SH3D21: variants seen among roughly 807,000 people sequenced by gnomAD.
SH3D21 encodes SH3 domain-containing protein 21.
SH3D21 carries 83 observed loss-of-function variants against 82.1 expected under a neutral mutation model. The ratio of observed to expected loss-of-function variants is 1.01; its 90% CI spans 0.85 to 1.21. SH3D21 has a LOEUF of 1.21. Ranked by LOEUF, SH3D21 falls within the 50% of genes most tolerant of loss-of-function variation. The pLI is 0.00. For synonymous variants in SH3D21, 383 were observed against 387.8 expected (o/e 0.99, Z 0.15); for missense variants, 980 against 962.1 (o/e 1.02, Z -0.25).
downstream of SH3D21, among the ~76,000 whole-genome samples, chr1:36,325,185 C>T (rs769018475): frequency 9.2e-5 from 14 of 151,942 alleles, no homozygotes; most frequent in East Asian, 1.9e-4. Flanking sequence ...GGACCACAGG[C>T]GTGCACCACC....
chr1:36,321,766 C>G, downstream of SH3D21: 1 of 1,002,546 alleles, frequency 1.0e-6, no homozygotes. The surrounding 1 kb of genome is among the most constrained non-coding windows in gnomAD (Gnocchi z 6.1). Context: ...GACGTGTGTC[C>G]AGGCGTTTGC....
In SH3D21 at chr1:36,306,903, G is replaced by T; in HGVS notation, c.224G>T (p.Arg75Leu). ...EARRPRCARR[R>L]GHPAKHPRPQ... is the part of the protein sequence containing the mutation. The stretch of plus-strand genomic sequence containing the variant: ...CGGAGGCCGCGCTGTGCGCGCCGCC[G>T]AGGTGAGCGCAAGGGCGGGGACGGG... The change falls in exon 3 of 16, where the codon CGA (arginine) becomes CTA (leucine). Residue 75 changes from arginine to leucine, a missense_variant and splice_region_variant. Physicochemically the swap from Arg to Leu is moderately radical, Grantham distance 102. Transcript: ENST00000453908. This position sits in a 1 kb window ranked among gnomAD's most constrained non-coding sequence, Gnocchi z 4.5. 1 of 1,322,878 alleles carries T rather than the reference G, an allele frequency of 7.6e-7. No homozygotes were observed. Among genetic ancestry groups the T allele is most frequent in the Non-Finnish European group, 9.9e-7 (1 of 1,011,602 alleles). 81.9% of individuals were successfully genotyped at this position (1,322,878 alleles called of 1,614,324 possible).
downstream of SH3D21, chr1:36,321,915 G>A (rs1646470390): frequency 4.6e-6 from 5 of 1,086,322 alleles, no homozygotes; most frequent in Non-Finnish European, 5.6e-6. This position sits in a 1 kb window ranked among gnomAD's most constrained non-coding sequence, Gnocchi z 6.1. Context: ...CGGGTTGGTG[G>A]GTGGGGGTGG....
At position 36,321,104 on chromosome 1, in the gene SH3D21, C is replaced by T. The variant is rs1020550593; in HGVS notation, c.2248C>T (p.His750Tyr). The T allele has an allele frequency of 1.9e-6, 3 of 1,611,958 alleles. No homozygotes were observed. Among genetic ancestry groups the T allele is most frequent in the African/African-American group, 2.7e-5 (2 of 75,034 alleles). Residue 750 changes from histidine (H) to tyrosine (Y), a missense_variant, in exon 16 of 16, where the codon CAC (histidine) becomes TAC (tyrosine). By Grantham distance (83) the His-to-Tyr change is moderately conservative. Coordinates refer to ENST00000453908, the MANE Select transcript of SH3D21 (RefSeq NM_001162530.2). The surrounding 1 kb of genome is among the most constrained non-coding windows in gnomAD (Gnocchi z 6.1). ...GAAGTCCCAGACCCCGCGCGTCATCCACACGCAGACGCAGACCTACTGAGG... is the reference window on the plus strand; with the variant it reads ...GAAGTCCCAGACCCCGCGCGTCATCTACACGCAGACGCAGACCTACTGAGG... Reference protein sequence around the residue: ...TQKSQTPRVIHTQTQTY With the variant: ...TQKSQTPRVIYTQTQTY
rs1381148723 is a variant in SH3D21 at position 36,307,760 on chromosome 1, C to T, written c.437-10C>T. 4 of 1,551,516 alleles carry T rather than the reference C, an allele frequency of 2.6e-6. No homozygotes were observed. Among genetic ancestry groups the T allele is most frequent in the South Asian group, 2.4e-5 (2 of 83,970 alleles). ...TTAGCACCCTCCCTAACCTCACTGT[C>T]CCCCACTAGGCCTTGGTAACCCAGA... On this transcript the variant is annotated splice_polypyrimidine_tract_variant and intron_variant, in intron 5 of 15. Transcript: ENST00000453908. This position sits in a 1 kb window ranked among gnomAD's most constrained non-coding sequence, Gnocchi z 5.4.
chr1:36,309,644 T>C (rs1646198892), intron 10 of SH3D21, 54 bp downstream of exon 10: 5 of 1,545,130 alleles, frequency 3.2e-6, no homozygotes, highest in Admixed American at 3.9e-5. Context: ...GACCCACCAG[T>C]CCAGTTGCTT....
At chr1:36,316,755 TTCTC>T (rs1320408360) in intron 10 of SH3D21, among the ~76,000 whole-genome samples, 1 of 139,346 alleles carries the variant, frequency 7.2e-6, no homozygotes, top group South Asian at 2.3e-4. Context: ...CTGGCTTCAG[TTCTC>T]TCTCTTTTTT....
In SH3D21 at chr1:36,313,972, CTTT is replaced by C. The variant is rs767624105; in HGVS notation, c.769+4400_769+4402del. Among the ~76,000 whole-genome samples the C allele has an allele frequency of 1.6e-3, 58 of 36,830 alleles. 3 individuals are homozygous for C. The highest frequency in any genetic ancestry group is 0.012 in the Admixed American group (19 of 1,616). 24.2% of individuals were successfully genotyped at this position (36,830 alleles called of 152,430 possible). On this transcript the variant is annotated intron_variant, in intron 10 of 15. Coordinates refer to ENST00000453908, the MANE Select transcript of SH3D21 (RefSeq NM_001162530.2). ...TGGCTAATGATGCTGAACATATTTTCTTTTTTTTTTTTTTTTTTTTGAGACGGA... is the reference window on the plus strand; with the variant it reads ...TGGCTAATGATGCTGAACATATTTTCTTTTTTTTTTTTTTTTTGAGACGGA...
intron 10 of SH3D21, among the ~76,000 whole-genome samples, chr1:36,318,565 G>A (rs1646382658): frequency 6.6e-6 from 1 of 151,644 alleles, no homozygotes. Context: ...TTGAGGTCAG[G>A]AGTTCGAGAC....
rs781045209 is a variant in SH3D21, at chr1:36,307,185, C to T, written c.245C>T (p.Pro82Leu). ...ARRRGHPAKH[P>L]RPQRWCKVNF... ...GTGCTAGGTCATCCTGCCAAACACC[C>T]GAGGCCCCAAAGATGGTGCAAAGTG... Residue 82 changes from proline to leucine, a missense_variant, in exon 4 of 16, where the codon CCG (proline) becomes CTG (leucine). Coordinates refer to ENST00000453908, the MANE Select transcript of SH3D21 (RefSeq NM_001162530.2). This position sits in a 1 kb window ranked among gnomAD's most constrained non-coding sequence, Gnocchi z 5.4. 2.1e-5 allele frequency: 33 copies of T among 1,551,568 alleles called. No homozygotes were observed. Among genetic ancestry groups the T allele is most frequent in the Non-Finnish European group, 2.6e-5 (30 of 1,146,992 alleles).
At position 36,310,295 on chromosome 1, in the gene SH3D21, A is replaced by T. The variant is rs140505602; in HGVS notation, c.769+705A>T. Among the ~76,000 whole-genome samples the T allele has an allele frequency of 1.4e-3, 211 of 152,306 alleles. No individual in the cohort carries two copies. The Middle Eastern group carries it at 0.017, about 12-fold the overall frequency. On this transcript the variant is annotated intron_variant, in intron 10 of 15. Transcript: ENST00000453908. ...GTAATATTTGATACATGTCAAAAGT[A>T]TATATAACACATATGTTATAAAATT...
In SH3D21 at chr1:36,321,228, G is replaced by T; in HGVS notation, c.*101G>T. ...CGAGAAAGTAAACTCTGCCTAGCAC[G>T]GCGCCACGCCGGTCTGGTCGCTGGG... is the stretch of plus-strand genomic sequence containing the variant. On this transcript the variant is annotated 3_prime_UTR_variant, in exon 16 of 16. Transcript: ENST00000453908. The surrounding 1 kb of genome is among the most constrained non-coding windows in gnomAD (Gnocchi z 6.1). 6.7e-7 allele frequency: 1 copy of T among 1,500,374 alleles called. No homozygotes were observed. Among genetic ancestry groups the T allele is most frequent in the Non-Finnish European group, 8.9e-7 (1 of 1,124,412 alleles). The allele number at this position is 1,500,374 out of a possible 1,614,324, so 92.9% of individuals were successfully genotyped here. A position where few individuals can be genotyped will look rare whatever the true frequency, so the allele number is the denominator to read the frequency against.
At chr1:36,309,389 AT>A in intron 9 of SH3D21, 158 bp from the exon 10 acceptor site, 1 of 699,756 alleles carries the variant, frequency 1.4e-6, no homozygotes, top group Non-Finnish European at 2.3e-6. Flanking sequence ...TAGAGACGGG[AT>A]TTTGCCATGT....
chr1:36,306,958 C>G lies in SH3D21; in HGVS notation c.226+53C>G. On this transcript the variant is annotated intron_variant, in intron 3 of 15. Transcript: ENST00000453908. This position sits in a 1 kb window ranked among gnomAD's most constrained non-coding sequence, Gnocchi z 4.5. ...GGTGGGCGGGTGCACGGAGCCAGTG[C>G]GACCCCGGCGTCTCCGGCTCTTAGT... is the stretch of plus-strand genomic sequence containing the variant. The G allele has an allele frequency of 7.5e-7, 1 of 1,335,844 alleles. No individual in the cohort carries two copies. The highest frequency in any genetic ancestry group is 1.5e-5 in the South Asian group (1 of 68,696). 82.7% of individuals were successfully genotyped at this position (1,335,844 alleles called of 1,614,324 possible).
At chr1:36,312,265 C>T (rs1046174249) in intron 10 of SH3D21, among the ~76,000 whole-genome samples, 18 of 152,058 alleles carry the variant, frequency 1.2e-4, no homozygotes, top group South Asian at 2.1e-4. Context: ...CCTCATGATC[C>T]GTCCGCCTTG....
In SH3D21 at chr1:36,307,998, A is replaced by G; in HGVS notation, c.538+35A>G. The G allele has an allele frequency of 6.4e-7, 1 of 1,551,440 alleles. No homozygotes were observed. The highest frequency in any genetic ancestry group is 8.7e-7 in the Non-Finnish European group (1 of 1,146,946). ...CATCCAAAGGGTCCCCCACTCCCTC[A>G]GCCACTCCCAAGGTTGTGACTTGGT... On this transcript the variant is annotated intron_variant, in intron 7 of 15. Coordinates refer to ENST00000453908, the MANE Select transcript of SH3D21 (RefSeq NM_001162530.2). The surrounding 1 kb of genome is among the most constrained non-coding windows in gnomAD (Gnocchi z 5.4).
At chr1:36,310,914 T>G (rs6425980) in intron 10 of SH3D21, among the ~76,000 whole-genome samples, 143,047 of 151,520 alleles carry the variant, frequency 0.94, 68,054 homozygotes, top group Middle Eastern at 1. Context: ...TTGTTTGTTT[T>G]TTTTTTTTTA....
At chr1:36,309,694 A>G (rs1478599394) in intron 10 of SH3D21, 104 bp downstream of exon 10, 11 of 1,285,656 alleles carry the variant, frequency 8.6e-6, no homozygotes, top group Admixed American at 4.6e-5. Context: ...GTATGCCCCT[A>G]TAGGAGCCCC....
chr1:36,309,739 C>T (rs749521408), intron 10 of SH3D21, 149 bp downstream of exon 10: 7 of 771,082 alleles, frequency 9.1e-6, no homozygotes, highest in Admixed American at 5.7e-5. Flanking sequence ...TAGGAATGTA[C>T]GTGAATCAAT....
Sources: allele counts gnomAD v4.1 joint callset (sites outside exome capture counted in the v4.1 genomes callset), GRCh38; gene constraint gnomAD v4.1.1; non-coding constraint Gnocchi (gnomAD v3.1); transcripts MANE v1.5; gene names NCBI Gene and HGNC (gene_info 2026-07-23, HGNC 2026-07-21).